Variants in DHX33 observed in about 807,000 individuals in gnomAD.
DHX33 encodes DEAH-box helicase 33.
Under a neutral mutation model 72.5 loss-of-function variants are expected in DHX33, and 42 were observed. That is an observed-to-expected ratio of 0.58 (90% CI 0.45 to 0.75). The LOEUF is 0.75. Ranked by LOEUF, DHX33 falls within the 30% of genes least tolerant of loss-of-function variation. DHX33 has a pLI of 0.00. For synonymous variants in DHX33, 358 were observed against 366.1 expected (o/e 0.98, Z 0.25); for missense variants, 842 against 917.5 (o/e 0.92, Z 1.06).
chr17:5,449,585 C>T (rs1916802452), intron 10 of DHX33, among the ~76,000 whole-genome samples: 1 of 152,152 alleles, frequency 6.6e-6, no homozygotes, highest in Non-Finnish European at 1.5e-5. Context: ...TACAGGTATG[C>T]ACAACCACGC....
chr17:5,468,963 GGCGGCT>G lies in DHX33; in HGVS notation c.-110_-105del. 1 of 720,850 alleles carries G rather than the reference GGCGGCT, an allele frequency of 1.4e-6. No homozygotes were observed. The highest frequency in any genetic ancestry group is 2.1e-6 in the Non-Finnish European group (1 of 472,146). The allele number at this position is 720,850 out of a possible 1,614,324, so 44.7% of individuals were successfully genotyped here. ...CGCCCCTTCCTCGCCGCCACGTGCT[GGCGGCT>G]CCCGGCGACCACCGATGACCTCACG... On this transcript the variant is annotated 5_prime_UTR_variant, in exon 1 of 12. Transcript: ENST00000225296.
intron 4 of DHX33, 126 bp from the exon 5 acceptor site, chr17:5,456,308 TA>T: frequency 9.5e-7 from 1 of 1,051,082 alleles, no homozygotes; most frequent in Admixed American, 2.4e-5. Context: ...TAAATGAGCC[TA>T]AAAGTTGATG....
chr17:5,463,648 G>A lies in DHX33; in HGVS notation c.331C>T (p.Leu111=). 2 of 1,613,562 alleles carry A rather than the reference G, an allele frequency of 1.2e-6. No homozygotes were observed. Among genetic ancestry groups the A allele is most frequent in the Non-Finnish European group, 1.7e-6 (2 of 1,179,802 alleles). The part of the protein sequence containing the change: ...SGKTTQIPQY[L]YEGGISRQGI... ...TGGCGGCTGATCCCTCCTTCATACAGGTACTGAGGGATCTGAGTTGTCTTC... is the reference window on the plus strand; with the variant it reads ...TGGCGGCTGATCCCTCCTTCATACAAGTACTGAGGGATCTGAGTTGTCTTC... Residue 111 remains leucine (L), a synonymous_variant, in exon 2 of 12, where the codon CTG becomes TTG. Coordinates refer to ENST00000225296, the MANE Select transcript of DHX33 (RefSeq NM_020162.4).
intron 11 of DHX33, among the ~76,000 whole-genome samples, chr17:5,446,093 G>C (rs1916649342): frequency 6.6e-6 from 1 of 152,182 alleles, no homozygotes; most frequent in African/African-American, 2.4e-5. Context: ...TTGTGCCTCA[G>C]CCTCCTGAGT....
chr17:5,462,079 A>C (rs1012938769), intron 3 of DHX33, among the ~76,000 whole-genome samples: 1 of 150,212 alleles, frequency 6.7e-6, no homozygotes, highest in African/African-American at 2.5e-5. Context: ...AGCTGGGATT[A>C]CAGATGTGTG....
In DHX33 at chr17:5,462,553, A is replaced by G. The variant is rs1396374168; in HGVS notation, c.451-7T>C. 2.5e-6 allele frequency: 4 copies of G among 1,607,612 alleles called. No individual in the cohort carries two copies. The East Asian group carries it at 8.9e-5, about 36-fold the overall frequency. ...AGCGCACTGTATAGCCAACCTGTGC[A>G]GGGAAACAATTTATTCAGTCACCAA... On this transcript the variant is annotated splice_region_variant and splice_polypyrimidine_tract_variant and intron_variant, in intron 2 of 11. Coordinates refer to ENST00000225296, the MANE Select transcript of DHX33 (RefSeq NM_020162.4).
Position 5,444,079 on chromosome 17 carries a change from C to A in DHX33, c.*126G>T. 4 of 1,118,082 alleles carry A rather than the reference C, an allele frequency of 3.6e-6. No individual in the cohort carries two copies. The highest frequency in any genetic ancestry group is 5.0e-6 in the Non-Finnish European group (4 of 797,994). The allele number at this position is 1,118,082 out of a possible 1,614,324, so 69.3% of individuals were successfully genotyped here. On this transcript the variant is annotated 3_prime_UTR_variant, in exon 12 of 12. Coordinates refer to ENST00000225296, the MANE Select transcript of DHX33 (RefSeq NM_020162.4). The surrounding 1 kb of genome is among the most constrained non-coding windows in gnomAD (Gnocchi z 4.9). ...AGTTGAGCAAAGATGCTTTCACGCT[C>A]CTGGAAGTCAGGCACCTTCAGCTGA...
intron 1 of DHX33, 49 bp from the exon 2 acceptor site, chr17:5,463,738 G>A (rs761839788): frequency 1.3e-6 from 2 of 1,533,630 alleles, no homozygotes; most frequent in East Asian, 4.6e-5. Flanking sequence ...ATGCAAACTG[G>A]GGCTCGGCAC....
chr17:5,460,899 T>C (rs1169077014), intron 4 of DHX33, 40 bp downstream of exon 4: 5 of 1,584,620 alleles, frequency 3.2e-6, no homozygotes, highest in Admixed American at 1.8e-5. Context: ...AACTGCAAGA[T>C]AAAAGAGAAC....
chr17:5,453,505 T>A, intron 8 of DHX33, 75 bp downstream of exon 8: 1 of 1,201,712 alleles, frequency 8.3e-7, no homozygotes, highest in Non-Finnish European at 1.2e-6. Context: ...CAATATACTT[T>A]ATTTTTTTGG....
chr17:5,447,481 G>A (rs1344338634), intron 11 of DHX33, among the ~76,000 whole-genome samples: 7 of 152,100 alleles, frequency 4.6e-5, no homozygotes, highest in Non-Finnish European at 7.4e-5. Context: ...AATATTAGCC[G>A]GGTGTGGTGG....
chr17:5,449,531 G>A (rs1229070442), intron 10 of DHX33, among the ~76,000 whole-genome samples: 1 of 152,192 alleles, frequency 6.6e-6, no homozygotes, highest in Non-Finnish European at 1.5e-5. Flanking sequence ...CTGCCTCCCA[G>A]GTTCAAATGA....
Position 5,461,058 on chromosome 17 carries a change from T to C in DHX33, c.730A>G (p.Asn244Asp). The C allele has an allele frequency of 6.2e-7, 1 of 1,613,170 alleles. No individual in the cohort carries two copies. The highest frequency in any genetic ancestry group is 1.3e-5 in the African/African-American group (1 of 74,992). ...TCTAGGTAGAGGACGGGGGCGCCAT[T>C]GAAATACTGAGAGAACAGGTCCACA... ...MDVDLFSQYF[N>D]GAPVLYLEGR... is the part of the protein sequence containing the mutation. The change falls in exon 4 of 12, where the codon AAT becomes GAT. Residue 244 changes from asparagine (N) to aspartate (D), a missense_variant. By Grantham distance (23) the Asn-to-Asp change is conservative. Coordinates refer to ENST00000225296, the MANE Select transcript of DHX33 (RefSeq NM_020162.4).
rs375890605 is a variant in DHX33, at chr17:5,444,531, G to A, written c.1816-18C>T. 1.0e-4 allele frequency: 164 copies of A among 1,608,124 alleles called. No individual in the cohort carries two copies. The African/African-American group carries it at 2.0e-3, about 19-fold the overall frequency. ...ATTGACATCTGTTTCGGGAGAAAGCGAGGAATGGAGCCGACCCCACACGTA... is the reference window on the plus strand; with the variant it reads ...ATTGACATCTGTTTCGGGAGAAAGCAAGGAATGGAGCCGACCCCACACGTA... On this transcript the variant is annotated intron_variant, in intron 11 of 11. Transcript: ENST00000225296. This position sits in a 1 kb window ranked among gnomAD's most constrained non-coding sequence, Gnocchi z 4.9.
At chr17:5,462,259 T>A in intron 3 of DHX33, 60 bp downstream of exon 3, 1 of 1,516,952 alleles carries the variant, frequency 6.6e-7, no homozygotes, top group Admixed American at 1.8e-5. Flanking sequence ...TCCTTCTGTG[T>A]GTTACGCATA....
chr17:5,459,671 C>T (rs188733426), intron 4 of DHX33, among the ~76,000 whole-genome samples: 332 of 152,206 alleles, frequency 2.2e-3, no homozygotes, highest in African/African-American at 7.8e-3. Flanking sequence ...TCAAGCAATC[C>T]TACCCACCTC....
In DHX33 at chr17:5,444,101, C is replaced by T. The variant is rs1429439844; in HGVS notation, c.*104G>A. On this transcript the variant is annotated 3_prime_UTR_variant, in exon 12 of 12. Coordinates refer to ENST00000225296, the MANE Select transcript of DHX33 (RefSeq NM_020162.4). This position sits in a 1 kb window ranked among gnomAD's most constrained non-coding sequence, Gnocchi z 4.9. The stretch of plus-strand genomic sequence containing the variant: ...GCTCCTGGAAGTCAGGCACCTTCAG[C>T]TGATTCCAAGGCTTCTCTAAGCGCC... 2 of 1,371,942 alleles carry T rather than the reference C, an allele frequency of 1.5e-6. No homozygotes were observed. The highest frequency in any genetic ancestry group is 1.5e-5 in the African/African-American group (1 of 68,602). The allele number at this position is 1,371,942 out of a possible 1,614,324, so 85.0% of individuals were successfully genotyped here.
intron 2 of DHX33, among the ~76,000 whole-genome samples, chr17:5,462,817 C>T (rs1904703328): frequency 6.6e-6 from 1 of 152,132 alleles, no homozygotes; most frequent in African/African-American, 2.4e-5. Flanking sequence ...TGGTGGCTCA[C>T]ACCTGTAATC....
Position 5,462,428 on chromosome 17 carries a change from C to G in DHX33, c.569G>C (p.Cys190Ser). The change falls in exon 3 of 12, where the codon TGT becomes TCT. Residue 190 changes from cysteine (C) to serine (S), a missense_variant. Transcript: ENST00000225296. The stretch of plus-strand genomic sequence containing the variant: ...TTCGTGAGCTTCATCCAAAATGACA[C>G]AGCTGTATTTCCGAAGCAAAGAGTC... ...ISDSLLRKYS[C>S]VILDEAHERT... 2 of 1,614,230 alleles carry G rather than the reference C, an allele frequency of 1.2e-6. No individual in the cohort carries two copies. Among genetic ancestry groups the G allele is most frequent in the Non-Finnish European group, 1.7e-6 (2 of 1,180,038 alleles).
Sources: gnomAD v4.1 joint callset for allele counts (sites outside exome capture counted in the v4.1 genomes callset) on GRCh38, gnomAD v4.1.1 for gene constraint, Gnocchi (gnomAD v3.1) non-coding constraint, MANE v1.5 for transcripts, NCBI Gene and HGNC (gene_info 2026-07-23, HGNC 2026-07-21) for gene names.